DCC: variants seen among roughly 807,000 people sequenced by gnomAD.
DCC encodes the protein DCC netrin 1 receptor.
Under a neutral mutation model 172.5 loss-of-function variants are expected in DCC, and 58 were observed. The observed-to-expected ratio is 0.34, with a 90% CI of 0.27 to 0.42. DCC has a LOEUF of 0.42. Ranked by LOEUF, DCC falls within the 10% of genes least tolerant of loss-of-function variation. DCC has a pLI of 1.00. For missense variants in DCC, 1,740 were observed against 1,791.0 expected (o/e 0.97, Z 0.51); for synonymous variants, 709 against 644.5 (o/e 1.10, Z -1.52).
chr18:52,977,067 T>C (rs2041130404), intron 5 of DCC, among the ~76,000 whole-genome samples: 1 of 152,194 alleles, frequency 6.6e-6, no homozygotes, highest in Non-Finnish European at 1.5e-5. Context: ...CAAAATGCCC[T>C]AGTCTAGGTA....
intron 1 of DCC, among the ~76,000 whole-genome samples, chr18:52,354,535 G>T (rs1488401274): frequency 6.6e-6 from 1 of 152,142 alleles, no homozygotes; most frequent in African/African-American, 2.4e-5. Flanking sequence ...CACTGTCAGA[G>T]AACGCATTTT....
intron 1 of DCC, among the ~76,000 whole-genome samples, chr18:52,707,800 CA>C (rs1299946363): frequency 6.6e-6 from 1 of 152,152 alleles, no homozygotes; most frequent in African/African-American, 2.4e-5. Flanking sequence ...TATGTGGAAT[CA>C]AAAAAGACAA....
At chr18:53,351,486 ATATAGT>A (rs2057812490) in intron 15 of DCC, among the ~76,000 whole-genome samples, 1 of 69,330 alleles carries the variant, frequency 1.4e-5, no homozygotes, top group Non-Finnish European at 2.9e-5. Flanking sequence ...ATATATATAT[ATATAGT>A]GTGTATATAT....
At chr18:52,587,051 T>G (rs1144090) in intron 1 of DCC, among the ~76,000 whole-genome samples, 148,513 of 152,320 alleles carry the variant, frequency 0.98, 72,531 homozygotes, top group Middle Eastern at 1. Context: ...TGCAGGATAA[T>G]CAAACCCATA....
chr18:52,842,180 T>C (rs2038818260), intron 2 of DCC, among the ~76,000 whole-genome samples: 1 of 152,146 alleles, frequency 6.6e-6, no homozygotes, highest in Non-Finnish European at 1.5e-5. Flanking sequence ...CATAATTTCT[T>C]GTTTTTCCTT....
intron 1 of DCC, among the ~76,000 whole-genome samples, chr18:52,428,819 T>A (rs549741773): frequency 1.3e-5 from 2 of 152,198 alleles, no homozygotes; most frequent in East Asian, 3.9e-4. Context: ...AACTGTATTT[T>A]CTCTAACCCC....
chr18:52,948,897 C>G (rs543621693), intron 5 of DCC, among the ~76,000 whole-genome samples: 3 of 152,148 alleles, frequency 2.0e-5, no homozygotes, highest in Non-Finnish European at 2.9e-5. Flanking sequence ...CTTGGTCACA[C>G]AGCTAGGGAA....
intron 12 of DCC, among the ~76,000 whole-genome samples, chr18:53,273,572 A>G (rs1205242709): frequency 6.6e-6 from 1 of 152,122 alleles, no homozygotes; most frequent in Non-Finnish European, 1.5e-5. Context: ...TTAAAAATTA[A>G]ATATTAAATT....
intron 1 of DCC, among the ~76,000 whole-genome samples, chr18:52,581,465 T>A (rs565347088): frequency 1.3e-5 from 2 of 152,256 alleles, no homozygotes; most frequent in South Asian, 4.1e-4. Context: ...GCACTGAAGC[T>A]CTAGATGTAG....
chr18:52,885,021 T>A (rs574252706), intron 2 of DCC, among the ~76,000 whole-genome samples: 5 of 152,262 alleles, frequency 3.3e-5, no homozygotes, highest in African/African-American at 9.6e-5. Flanking sequence ...AATTTCTCTT[T>A]CTGTGCAGAG....
At chr18:52,458,203 C>A (rs1427599048) in intron 1 of DCC, among the ~76,000 whole-genome samples, 3 of 152,158 alleles carry the variant, frequency 2.0e-5, no homozygotes, top group Admixed American at 2.0e-4. Flanking sequence ...TAACAGAGAT[C>A]TTGGTCCCAG....
intron 2 of DCC, among the ~76,000 whole-genome samples, chr18:52,897,086 G>A (rs1023326034): frequency 2.6e-5 from 4 of 152,176 alleles, no homozygotes; most frequent in African/African-American, 9.7e-5. Flanking sequence ...GATTATGATA[G>A]ACCAGGCTTT....
At chr18:52,530,906 C>T (rs150913656) in intron 1 of DCC, among the ~76,000 whole-genome samples, 15 of 152,194 alleles carry the variant, frequency 9.9e-5, no homozygotes, top group African/African-American at 3.4e-4. Flanking sequence ...GCTTTAGTGA[C>T]CTCAAAATAG....
At chr18:53,338,841 A>T (rs922667776) in intron 14 of DCC, among the ~76,000 whole-genome samples, 1 of 152,224 alleles carries the variant, frequency 6.6e-6, no homozygotes, top group African/African-American at 2.4e-5. Flanking sequence ...GTAAGTTTGC[A>T]TGAATTATCT....
intron 2 of DCC, among the ~76,000 whole-genome samples, chr18:52,857,303 G>A (rs1481577624): frequency 6.6e-6 from 1 of 152,094 alleles, no homozygotes; most frequent in Non-Finnish European, 1.5e-5. Context: ...GCTAATGGAT[G>A]GGCAAGAGTA....
intron 1 of DCC, among the ~76,000 whole-genome samples, chr18:52,522,502 A>C (rs1261200568): frequency 6.6e-6 from 1 of 152,160 alleles, no homozygotes; most frequent in African/African-American, 2.4e-5. Flanking sequence ...GTGCCAGATA[A>C]AATATAGGAT....
At chr18:52,599,325 G>C (rs187386384) in intron 1 of DCC, among the ~76,000 whole-genome samples, 3 of 152,070 alleles carry the variant, frequency 2.0e-5, no homozygotes, top group Admixed American at 2.0e-4. Context: ...TTCTGTGCAG[G>C]GCCATATAGT....
At chr18:52,795,982 T>C (rs558145875) in intron 2 of DCC, among the ~76,000 whole-genome samples, 4 of 152,046 alleles carry the variant, frequency 2.6e-5, no homozygotes, top group Admixed American at 2.6e-4. Context: ...TATATCCTCC[T>C]GCTAATATGA....
At chr18:53,486,552 CTTTG>C (rs1446942116) in intron 25 of DCC, among the ~76,000 whole-genome samples, 2 of 152,102 alleles carry the variant, frequency 1.3e-5, no homozygotes, top group Non-Finnish European at 2.9e-5. Context: ...TTAACTGTTT[CTTTG>C]TTTGGAGCCC....
Sources: allele counts gnomAD v4.1 joint callset (sites outside exome capture counted in the v4.1 genomes callset), GRCh38; gene constraint gnomAD v4.1.1; transcripts MANE v1.5; gene names NCBI Gene and HGNC (gene_info 2026-07-23, HGNC 2026-07-21).